Variants in SUGCT observed in about 807,000 individuals in gnomAD.
SUGCT encodes the protein succinyl-CoA:glutarate CoA-transferase.
A neutral mutation model predicts 55.0 loss-of-function variants in SUGCT; 41 were observed. That is an observed-to-expected ratio of 0.74 (90% CI 0.58 to 0.97). The LOEUF (loss-of-function observed/expected upper bound fraction) is 0.97, where lower values mean the gene tolerates loss of function less well. Among genes scored for constraint, SUGCT ranks in the 50% least tolerant of loss-of-function variants. The probability of loss-of-function intolerance (pLI) is 0.00; values close to 1 mark genes in which losing one functional copy is unlikely to be tolerated. For synonymous variants in SUGCT, 187 were observed against 200.4 expected (o/e 0.93, Z 0.56); for missense variants, 568 against 547.8 (o/e 1.04, Z -0.37).
At chr7:40,432,906 T>A (rs772780135) in intron 9 of SUGCT, among the ~76,000 whole-genome samples, 25 of 152,160 alleles carry the variant, frequency 1.6e-4, no homozygotes, top group Non-Finnish European at 3.2e-4. Context: ...TCTCTCTCTC[T>A]CTCCTTCTTC....
chr7:40,509,704 G>A (rs1792818155), intron 12 of SUGCT, among the ~76,000 whole-genome samples: 1 of 151,918 alleles, frequency 6.6e-6, no homozygotes, highest in African/African-American at 2.4e-5. Flanking sequence ...TGTTTGTTGT[G>A]TGTTGAGTTC....
intron 12 of SUGCT, among the ~76,000 whole-genome samples, chr7:40,649,040 TA>T (rs1800654095): frequency 6.6e-6 from 1 of 152,248 alleles, no homozygotes; most frequent in African/African-American, 2.4e-5. Flanking sequence ...TTGTTATCAT[TA>T]CTAATATAAT....
the SUGCT span, among the ~76,000 whole-genome samples, chr7:40,901,775 G>A: frequency 1.3e-5 from 2 of 152,148 alleles, no homozygotes; most frequent in Admixed American, 1.3e-4. Context: ...ATTGAATTAC[G>A]GTCTTAAAAA....
the SUGCT span, chr7:40,966,004 A>G: frequency 6.6e-6 from 1 of 151,922 alleles, no homozygotes; most frequent in Admixed American, 6.6e-5. Flanking sequence ...CTGCCTCACC[A>G]CTCTTTTACA....
intron 12 of SUGCT, among the ~76,000 whole-genome samples, chr7:40,632,398 G>A (rs1799827983): frequency 6.6e-6 from 1 of 151,682 alleles, no homozygotes; most frequent in Non-Finnish European, 1.5e-5. Flanking sequence ...TAGGTGGTCT[G>A]TGATTGCCAT....
At chr7:40,511,156 A>G (rs191042632) in intron 12 of SUGCT, among the ~76,000 whole-genome samples, 1 of 152,178 alleles carries the variant, frequency 6.6e-6, no homozygotes, top group Non-Finnish European at 1.5e-5. Flanking sequence ...AATCTTATAG[A>G]CATCAGCTTA....
chr7:40,547,976 G>C (rs1485513799), intron 12 of SUGCT, among the ~76,000 whole-genome samples: 13 of 151,998 alleles, frequency 8.6e-5, no homozygotes, highest in Admixed American at 8.5e-4. Flanking sequence ...ATTCTTACAA[G>C]TGGGATTTTT....
intron 9 of SUGCT, among the ~76,000 whole-genome samples, chr7:40,419,055 C>T (rs904028499): frequency 2.6e-5 from 4 of 152,078 alleles, no homozygotes; most frequent in Admixed American, 1.3e-4. Context: ...AAGAAATTCG[C>T]TATAAAGTAT....
At chr7:41,015,279 GTGA>G in the SUGCT span, among the ~76,000 whole-genome samples, 302 of 152,304 alleles carry the variant, frequency 2.0e-3, no homozygotes, top group African/African-American at 6.5e-3. Context: ...GTTGACGGTG[GTGA>G]TGATGATGAT....
chr7:40,946,616 T>C, the SUGCT span, among the ~76,000 whole-genome samples: 1 of 152,248 alleles, frequency 6.6e-6, no homozygotes, highest in African/African-American at 2.4e-5. Context: ...GTATGTCTTT[T>C]AGGGCAGGTT....
At chr7:40,671,553 A>C (rs574620122) in intron 12 of SUGCT, among the ~76,000 whole-genome samples, 3 of 152,230 alleles carry the variant, frequency 2.0e-5, no homozygotes, top group Non-Finnish European at 2.9e-5. Context: ...AATCAATTGT[A>C]TGTCTATATA....
At chr7:40,272,465 CTG>C (rs1792133016) in intron 7 of SUGCT, among the ~76,000 whole-genome samples, 1 of 150,474 alleles carries the variant, frequency 6.6e-6, no homozygotes, top group Admixed American at 6.7e-5. Context: ...GCATGAGCCA[CTG>C]TGCGTGAACA....
intron 8 of SUGCT, among the ~76,000 whole-genome samples, chr7:40,297,538 A>G (rs1019510120): frequency 2.0e-5 from 3 of 152,140 alleles, no homozygotes; most frequent in Admixed American, 1.3e-4. Context: ...AAATCTGATC[A>G]TTTTGAGGAA....
At chr7:40,633,303 G>A (rs1799875958) in intron 12 of SUGCT, among the ~76,000 whole-genome samples, 1 of 152,072 alleles carries the variant, frequency 6.6e-6, no homozygotes, top group Non-Finnish European at 1.5e-5. Context: ...TGAATACTTA[G>A]TATTGAGGAT....
At chr7:40,406,288 T>G (rs77161345) in intron 9 of SUGCT, among the ~76,000 whole-genome samples, 2 of 152,028 alleles carry the variant, frequency 1.3e-5, no homozygotes, top group African/African-American at 4.8e-5. Context: ...ATGGTAATAT[T>G]ATATATAGGA....
chr7:40,342,469 G>A (rs1797105368), intron 9 of SUGCT, among the ~76,000 whole-genome samples: 1 of 152,114 alleles, frequency 6.6e-6, no homozygotes, highest in Non-Finnish European at 1.5e-5. Context: ...ATGATTAAAT[G>A]TTGATTAATT....
At chr7:40,333,770 A>G (rs12672914) in intron 9 of SUGCT, among the ~76,000 whole-genome samples, 1 of 102,500 alleles carries the variant, frequency 9.8e-6, no homozygotes, top group African/African-American at 3.8e-5. Context: ...CTTTTTTTTT[A>G]AATTTAAGTT....
intron 8 of SUGCT, among the ~76,000 whole-genome samples, chr7:40,286,516 G>C (rs1793354159): frequency 6.6e-6 from 1 of 152,174 alleles, no homozygotes; most frequent in South Asian, 2.1e-4. Flanking sequence ...CTGGGGATAA[G>C]GACATTGACA....
chr7:40,233,395 A>G lies in SUGCT; in HGVS notation c.485-4240A>G, dbSNP rs149110571. Among the ~76,000 whole-genome samples, 1,110 of 151,914 alleles carry G rather than the reference A, an allele frequency of 7.3e-3. 14 individuals carry two copies. Among genetic ancestry groups the G allele is most frequent in the African/African-American group, 0.026 (1,058 of 41,440 alleles). On this transcript the variant is annotated intron_variant, in intron 6 of 13. Transcript: ENST00000335693. ...CCACCATGCCTGGCTAATTTTTTGT[A>G]TCTTTAGTAGAGACAGGGTTACACC...
Sources: gnomAD v4.1 joint callset for allele counts (sites outside exome capture counted in the v4.1 genomes callset) on GRCh38, gnomAD v4.1.1 for gene constraint, MANE v1.5 for transcripts, NCBI Gene and HGNC (gene_info 2026-07-23, HGNC 2026-07-21) for gene names.